PDGFD: variants seen among roughly 807,000 people sequenced by gnomAD.
PDGFD encodes the protein platelet derived growth factor D, also known as platelet-derived growth factor D.
Under a neutral mutation model 44.7 loss-of-function variants are expected in PDGFD, and 30 were observed. The ratio of observed to expected loss-of-function variants is 0.67; its 90% confidence interval spans 0.50 to 0.91. The LOEUF is 0.91. PDGFD is among the 40% of genes least tolerant of loss of function. The pLI is 0.00. For synonymous variants in PDGFD, 173 were observed against 168.4 expected (o/e 1.03, Z -0.21); for missense variants, 445 against 457.8 (o/e 0.97, Z 0.25).
chr11:103,985,397 CACTATATATG>C (rs1859348253), intron 3 of PDGFD, among the ~76,000 whole-genome samples: 2 of 151,032 alleles, frequency 1.3e-5, no homozygotes. Context: ...ATGGGGGTCT[CACTATATATG>C]ACTAGTTGGT....
At chr11:103,956,938 A>G (rs1858860333) in intron 3 of PDGFD, among the ~76,000 whole-genome samples, 1 of 152,020 alleles carries the variant, frequency 6.6e-6, no homozygotes, top group South Asian at 2.1e-4. Context: ...GTTTGAGTTC[A>G]TTGTAGATTC....
At chr11:104,118,429 G>T (rs1363049078) in intron 1 of PDGFD, among the ~76,000 whole-genome samples, 4 of 151,770 alleles carry the variant, frequency 2.6e-5, no homozygotes, top group African/African-American at 9.7e-5. Context: ...CCAGCATACA[G>T]CTGTGAGAAA....
chr11:104,025,250 T>C (rs1451888257), intron 1 of PDGFD, among the ~76,000 whole-genome samples: 2 of 152,220 alleles, frequency 1.3e-5, no homozygotes, highest in African/African-American at 4.8e-5. Context: ...AACACTGTTA[T>C]AGGACATGCA....
chr11:104,092,913 T>C (rs953023263), intron 1 of PDGFD, among the ~76,000 whole-genome samples: 10 of 152,124 alleles, frequency 6.6e-5, no homozygotes, highest in South Asian at 2.1e-4. Context: ...AGTCACTCCA[T>C]AGGGGGGCTG....
intron 1 of PDGFD, among the ~76,000 whole-genome samples, chr11:104,089,546 T>C (rs1861180793): frequency 6.6e-6 from 1 of 152,164 alleles, no homozygotes; most frequent in African/African-American, 2.4e-5. Flanking sequence ...CATATAGTAC[T>C]TTAACTGTAT....
At chr11:104,130,371 T>G (rs967076569) in intron 1 of PDGFD, among the ~76,000 whole-genome samples, 8 of 152,152 alleles carry the variant, frequency 5.3e-5, no homozygotes, top group African/African-American at 1.7e-4. Context: ...TAGGTGGTGA[T>G]GTGCCTCAAA....
chr11:104,083,202 C>T (rs941794589), intron 1 of PDGFD, among the ~76,000 whole-genome samples: 1 of 152,104 alleles, frequency 6.6e-6, no homozygotes, highest in African/African-American at 2.4e-5. Context: ...ATTACAAATA[C>T]ATCTCAGAAT....
chr11:103,918,151 G>A (rs75216407), intron 6 of PDGFD, among the ~76,000 whole-genome samples: 1 of 152,158 alleles, frequency 6.6e-6, no homozygotes, highest in Non-Finnish European at 1.5e-5. Context: ...AAGTTCTTTA[G>A]GGAGACAAAG....
intron 3 of PDGFD, among the ~76,000 whole-genome samples, chr11:103,987,597 A>G (rs180763070): frequency 6.6e-6 from 1 of 152,276 alleles, no homozygotes; most frequent in East Asian, 1.9e-4. Flanking sequence ...CAAGTTCTCC[A>G]TTCTAGTTTT....
intron 5 of PDGFD, among the ~76,000 whole-genome samples, chr11:103,927,712 G>A (rs1418141142): frequency 6.6e-6 from 1 of 152,174 alleles, no homozygotes; most frequent in African/African-American, 2.4e-5. Flanking sequence ...GCATATTTGT[G>A]CACTGGGTCC....
At chr11:104,066,348 C>T (rs1860791760) in intron 1 of PDGFD, among the ~76,000 whole-genome samples, 1 of 152,040 alleles carries the variant, frequency 6.6e-6, no homozygotes, top group African/African-American at 2.4e-5. Flanking sequence ...CATATATATC[C>T]GTAGAGTTCA....
intron 1 of PDGFD, among the ~76,000 whole-genome samples, chr11:104,116,830 T>C (rs1861647941): frequency 6.6e-6 from 1 of 151,992 alleles, no homozygotes. Context: ...CAAGATCTGA[T>C]GGGTTTATCA....
chr11:104,009,866 G>A (rs533248796), intron 1 of PDGFD, among the ~76,000 whole-genome samples: 2 of 152,180 alleles, frequency 1.3e-5, no homozygotes, highest in African/African-American at 2.4e-5. Flanking sequence ...GTTTGCTAAC[G>A]CACTGAAGCT....
At chr11:103,952,693 C>G (rs376519595) in intron 3 of PDGFD, among the ~76,000 whole-genome samples, 1 of 151,928 alleles carries the variant, frequency 6.6e-6, no homozygotes, top group Non-Finnish European at 1.5e-5. Context: ...TTCCAACCCA[C>G]CAAATAATGT....
intron 1 of PDGFD, among the ~76,000 whole-genome samples, chr11:104,144,676 C>T (rs1158799190): frequency 6.6e-6 from 1 of 152,150 alleles, no homozygotes; most frequent in Admixed American, 6.5e-5. Context: ...TGGCAATTGT[C>T]TTACCTAAAA....
intron 1 of PDGFD, among the ~76,000 whole-genome samples, chr11:104,050,763 C>T (rs11226128): frequency 0.26 from 38,786 of 152,000 alleles, 5,464 homozygotes; most frequent in East Asian, 0.34. Flanking sequence ...ATAACTGTCC[C>T]TCCCCCATCT....
At chr11:103,967,199 A>G (rs1565297768) in intron 3 of PDGFD, among the ~76,000 whole-genome samples, 1 of 152,104 alleles carries the variant, frequency 6.6e-6, no homozygotes, top group Non-Finnish European at 1.5e-5. Context: ...AGGCCACTCA[A>G]CTATTATTCC....
At chr11:103,971,584 A>G (rs1378584509) in intron 3 of PDGFD, among the ~76,000 whole-genome samples, 1 of 152,240 alleles carries the variant, frequency 6.6e-6, no homozygotes, top group Non-Finnish European at 1.5e-5. Flanking sequence ...CATTGAAAAG[A>G]GCTACTAATT....
At chr11:104,037,153 C>T (rs762438165) in intron 1 of PDGFD, 55 of 1,613,584 alleles carry the variant, frequency 3.4e-5, no homozygotes, top group Non-Finnish European at 4.7e-5. Context: ...CCGTCCACAG[C>T]ACCCTGGACA....
Sources: allele counts gnomAD v4.1 joint callset (sites outside exome capture counted in the v4.1 genomes callset), GRCh38; gene constraint gnomAD v4.1.1; transcripts MANE v1.5; gene names NCBI Gene and HGNC (gene_info 2026-07-23, HGNC 2026-07-21).